The following C2orf76 variants were observed in gnomAD, a reference collection of about 807,000 sequenced individuals.
C2orf76 encodes UPF0538 protein C2orf76.
In C2orf76, 23 loss-of-function variants were observed where a neutral mutation model predicts 16.9. That is an observed-to-expected ratio of 1.36 (90% CI 0.98 to 1.93). The LOEUF is 1.93. Ranked by LOEUF, C2orf76 falls within the 30% of genes most tolerant of loss-of-function variation. The pLI, the probability that C2orf76 is intolerant of heterozygous loss-of-function variation, is 0.00. For missense variants in C2orf76, 152 were observed against 152.6 expected, an observed-to-expected ratio of 1.00 and a Z score of 0.02; for synonymous variants, 48 against 52.3, an observed-to-expected ratio of 0.92 and a Z score of 0.35.
intron 1 of C2orf76, among the ~76,000 whole-genome samples, chr2:119,352,493 C>T (rs1443902107): frequency 6.6e-6 from 1 of 152,226 alleles, no homozygotes; most frequent in Non-Finnish European, 1.5e-5. Context: ...CAGCCAATCA[C>T]AGCAGCCAAA....
At chr2:119,353,263 A>G (rs1014020029) in intron 1 of C2orf76, among the ~76,000 whole-genome samples, 1 of 152,212 alleles carries the variant, frequency 6.6e-6, no homozygotes, top group African/African-American at 2.4e-5. Context: ...TACTGTTAGT[A>G]GATGAATGAT....
the C2orf76 span, among the ~76,000 whole-genome samples, chr2:119,285,904 C>T: frequency 1.8e-4 from 28 of 152,220 alleles, no homozygotes; most frequent in East Asian, 4.8e-3. Context: ...TCAGGGAGAG[C>T]CACATCGTTT....
intron 5 of C2orf76, among the ~76,000 whole-genome samples, chr2:119,308,779 G>C (rs749816823): frequency 2.0e-5 from 3 of 152,210 alleles, no homozygotes; most frequent in Non-Finnish European, 4.4e-5. Flanking sequence ...CCCTTCTGAA[G>C]ACTTAGCACA....
rs374726176 is a variant in C2orf76 at position 119,358,489 on chromosome 2, A to G, written c.-13+8301T>C. ...GCTACTCAGAAGGCTGAGGCAGGAG[A>G]ATCACTTGAATCCGGGAGGTGCAGA... is the stretch of plus-strand genomic sequence containing the variant. On this transcript the variant is annotated intron_variant, in intron 1 of 5. Coordinates refer to ENST00000334816, the MANE Select transcript of C2orf76 (RefSeq NM_001322331.2). 4.6e-5 allele frequency among the ~76,000 whole-genome samples: 7 copies of G among 151,726 alleles called. No individual in the cohort carries two copies. In the East Asian group the frequency reaches 1.4e-3, roughly 29 times the overall value.
chr2:119,351,096 T>A (rs1680387248), intron 1 of C2orf76, among the ~76,000 whole-genome samples: 1 of 152,184 alleles, frequency 6.6e-6, no homozygotes, highest in African/African-American at 2.4e-5. Flanking sequence ...AACTACAGGA[T>A]TAGGGTCTCG....
chr2:119,282,503 T>G, the C2orf76 span, among the ~76,000 whole-genome samples: 11 of 152,240 alleles, frequency 7.2e-5, no homozygotes, highest in African/African-American at 2.2e-4. Context: ...CATGCATTTA[T>G]TCTTTAGCCA....
At chr2:119,343,381 G>A (rs182153307) in intron 1 of C2orf76, among the ~76,000 whole-genome samples, 137 of 152,026 alleles carry the variant, frequency 9.0e-4, no homozygotes, top group African/African-American at 3.2e-3. Context: ...AGTGTTGACA[G>A]GTTTGCTAAA....
At chr2:119,366,075 C>G (rs1680967216) in intron 1 of C2orf76, among the ~76,000 whole-genome samples, 1 of 152,014 alleles carries the variant, frequency 6.6e-6, no homozygotes, top group Admixed American at 6.6e-5. Context: ...CCTCAATACT[C>G]CCCCTCCTCC....
chr2:119,313,436 G>C (rs773339230), intron 4 of C2orf76, among the ~76,000 whole-genome samples: 7 of 151,278 alleles, frequency 4.6e-5, no homozygotes, highest in Non-Finnish European at 8.9e-5. Flanking sequence ...AAAAAAAAAA[G>C]TTTTATTTAA....
At chr2:119,355,006 C>T (rs1284211546) in intron 1 of C2orf76, among the ~76,000 whole-genome samples, 1 of 152,168 alleles carries the variant, frequency 6.6e-6, no homozygotes, top group Non-Finnish European at 1.5e-5. Flanking sequence ...TCAACATCTA[C>T]AATTCCTCAG....
upstream of C2orf76, chr2:119,367,146 C>T: frequency 6.3e-7 from 1 of 1,584,518 alleles, no homozygotes. Flanking sequence ...AGCTCTCGGG[C>T]TCTTTCCTTC....
chr2:119,357,120 A>C (rs974145487), intron 1 of C2orf76, among the ~76,000 whole-genome samples: 1 of 152,242 alleles, frequency 6.6e-6, no homozygotes, highest in Admixed American at 6.5e-5. Flanking sequence ...TCACTAGAGA[A>C]CTCTACAAAA....
intron 1 of C2orf76, among the ~76,000 whole-genome samples, chr2:119,352,691 C>T (rs980885895): frequency 6.6e-6 from 1 of 152,186 alleles, no homozygotes; most frequent in Non-Finnish European, 1.5e-5. Flanking sequence ...GGTTCAGATG[C>T]TGCCTAATTC....
intron 1 of C2orf76, among the ~76,000 whole-genome samples, chr2:119,359,647 GGAAATAGCAA>G (rs1408118347): frequency 6.6e-6 from 1 of 152,160 alleles, no homozygotes; most frequent in African/African-American, 2.4e-5. Context: ...CAAATGTGGT[GGAAATAGCAA>G]GACAACTAGA....
chr2:119,297,739 C>T (rs1412365154), downstream of C2orf76, among the ~76,000 whole-genome samples: 1 of 152,160 alleles, frequency 6.6e-6, no homozygotes, highest in Non-Finnish European at 1.5e-5. Flanking sequence ...CTCAAATGAT[C>T]ACTGGCCTCG....
chr2:119,366,958 G>A, upstream of C2orf76: 8 of 1,529,570 alleles, frequency 5.2e-6, no homozygotes, highest in Middle Eastern at 1.7e-4. Flanking sequence ...AGTGGACCGC[G>A]CCTCTAAAGG....
intron 1 of C2orf76, among the ~76,000 whole-genome samples, chr2:119,342,110 ACAG>A (rs1422827942): frequency 6.6e-6 from 1 of 152,222 alleles, no homozygotes; most frequent in Non-Finnish European, 1.5e-5. Context: ...CTGTCCATCA[ACAG>A]CAGAATTGAT....
At chr2:119,312,958 G>T (rs1679043973) in intron 4 of C2orf76, among the ~76,000 whole-genome samples, 1 of 151,638 alleles carries the variant, frequency 6.6e-6, no homozygotes, top group African/African-American at 2.4e-5. Context: ...AACCTGGGAG[G>T]CAGAGCTTAC....
chr2:119,316,168 T>G (rs1166736896), intron 4 of C2orf76, among the ~76,000 whole-genome samples: 1 of 152,214 alleles, frequency 6.6e-6, no homozygotes, highest in African/African-American at 2.4e-5. Context: ...ATTCTCTACA[T>G]TTTAGGAATG....
Sources: allele counts gnomAD v4.1 joint callset (sites outside exome capture counted in the v4.1 genomes callset), GRCh38; gene constraint gnomAD v4.1.1; transcripts MANE v1.5; gene names NCBI Gene and HGNC (gene_info 2026-07-23, HGNC 2026-07-21).